Variants in TPRG1 observed in about 807,000 individuals in gnomAD.
The protein encoded by TPRG1 is tumor protein p63-regulated gene 1 protein.
Under a neutral mutation model 29.3 loss-of-function variants are expected in TPRG1, and 29 were observed. The ratio of observed to expected loss-of-function variants is 0.99; its 90% CI spans 0.74 to 1.35. The LOEUF (loss-of-function observed/expected upper bound fraction) is 1.35, where lower values mean the gene tolerates loss of function less well. TPRG1 is among the 40% of genes most tolerant of loss of function. The probability of loss-of-function intolerance (pLI) is 0.00; values close to 1 mark genes in which losing one functional copy is unlikely to be tolerated. For missense variants in TPRG1, 327 were observed against 335.0 expected, an observed-to-expected ratio of 0.98 and a Z score of 0.19; for synonymous variants, 130 against 116.8, an observed-to-expected ratio of 1.11 and a Z score of -0.73.
At position 189,312,149 on chromosome 3, in the gene TPRG1, CTT is replaced by C. The variant is rs1343954096; in HGVS notation, c.633+1612_633+1613del. Among the ~76,000 whole-genome samples, 380 of 50,574 alleles carry C rather than the reference CTT, an allele frequency of 7.5e-3. 22 individuals are homozygous for C. Among genetic ancestry groups the C allele is most frequent in the South Asian group, 0.025 (26 of 1,024 alleles). 33.2% of individuals were successfully genotyped at this position (50,574 alleles called of 152,430 possible). ...TCTTTCTTTCTTTCTTTCTTTCTTT[CTT>C]TCTTTCTTTCTTTCTTTCTTTCTTT... On this transcript the variant is annotated intron_variant, in intron 5 of 5. Coordinates refer to ENST00000345063, the MANE Select transcript of TPRG1 (RefSeq NM_198485.4).
chr3:189,127,728 CAA>C (rs1722650340), intron 2 of TPRG1, among the ~76,000 whole-genome samples: 1 of 152,140 alleles, frequency 6.6e-6, no homozygotes, highest in South Asian at 2.1e-4. Flanking sequence ...GGTAAACTCA[CAA>C]AAGAGATGGC....
rs528281551 is a variant in TPRG1, at chr3:189,197,821, G to A, written c.-9-9555G>A. On this transcript the variant is annotated intron_variant, in intron 1 of 5. Coordinates refer to ENST00000345063, the MANE Select transcript of TPRG1 (RefSeq NM_198485.4). ...AAGAATTTGTTATTCTGAAAAGAGAGAAGTGAGAAATAGATAAATGATACA... is the reference window on the plus strand; with the variant it reads ...AAGAATTTGTTATTCTGAAAAGAGAAAAGTGAGAAATAGATAAATGATACA... 9.2e-5 allele frequency among the ~76,000 whole-genome samples: 14 copies of A among 152,292 alleles called. No homozygotes were observed. The Middle Eastern group carries it at 0.01, about 111-fold the overall frequency.
At chr3:189,010,929 A>G (rs1406244616) in intron 3 of TPRG1, among the ~76,000 whole-genome samples, 3 of 151,938 alleles carry the variant, frequency 2.0e-5, no homozygotes, top group African/African-American at 7.3e-5. Flanking sequence ...GCTTGAGTTG[A>G]TTTTTTTGGT....
intron 5 of TPRG1, among the ~76,000 whole-genome samples, chr3:189,311,127 G>A (rs572816048): frequency 3.9e-5 from 6 of 152,154 alleles, no homozygotes; most frequent in Non-Finnish European, 7.4e-5. Context: ...AAAGGGAACA[G>A]TTTTCTATTA....
intron 1 of TPRG1, among the ~76,000 whole-genome samples, chr3:189,191,647 G>A (rs1560532992): frequency 6.6e-6 from 1 of 152,042 alleles, no homozygotes; most frequent in Non-Finnish European, 1.5e-5. Context: ...TCAGCATTTT[G>A]GGAGCTTAAT....
chr3:189,107,198 A>C (rs1330373025), intron 1 of TPRG1, among the ~76,000 whole-genome samples: 3 of 151,966 alleles, frequency 2.0e-5, no homozygotes, highest in African/African-American at 7.3e-5. Context: ...TCTTTAGGTG[A>C]CCTATTATAT....
intron 4 of TPRG1, among the ~76,000 whole-genome samples, chr3:189,244,404 G>T (rs546095894): frequency 6.6e-6 from 1 of 152,122 alleles, no homozygotes; most frequent in South Asian, 2.1e-4. Context: ...GGGTGACAGA[G>T]ATGAGACTCC....
intron 1 of TPRG1, among the ~76,000 whole-genome samples, chr3:189,114,514 C>T (rs755662952): frequency 5.3e-5 from 8 of 152,126 alleles, no homozygotes; most frequent in Admixed American, 2.0e-4. Context: ...AATTCCTGAC[C>T]TCAGGTGATC....
chr3:189,296,379 G>T (rs963321138), intron 4 of TPRG1, among the ~76,000 whole-genome samples: 1 of 152,230 alleles, frequency 6.6e-6, no homozygotes, highest in African/African-American at 2.4e-5. Flanking sequence ...AGTCAGCAAT[G>T]TGGTAAATCA....
chr3:189,323,727 A>G lies in TPRG1; in HGVS notation c.*2907A>G, dbSNP rs1204578781. 1 of 152,158 alleles carries G rather than the reference A, an allele frequency of 6.6e-6. No homozygotes were observed. The highest frequency in any genetic ancestry group is 6.6e-5 in the Admixed American group (1 of 15,256). 9.4% of individuals were successfully genotyped at this position (152,158 alleles called of 1,614,324 possible). On this transcript the variant is annotated 3_prime_UTR_variant, in exon 6 of 6. Coordinates refer to ENST00000345063, the MANE Select transcript of TPRG1 (RefSeq NM_198485.4). ...TCATTTGAACTTACCACTACAGTTT[A>G]GCAAATGGCATGATGAGTTTGATTG...
intron 1 of TPRG1, among the ~76,000 whole-genome samples, chr3:189,198,460 C>G (rs561530672): frequency 4.6e-5 from 7 of 152,354 alleles, no homozygotes; most frequent in African/African-American, 1.7e-4. Context: ...CTATGTGTGT[C>G]TGTGAGAGAA....
intron 4 of TPRG1, among the ~76,000 whole-genome samples, chr3:189,260,849 C>G (rs542918305): frequency 6.6e-6 from 1 of 152,252 alleles, no homozygotes; most frequent in East Asian, 1.9e-4. Flanking sequence ...AGACATCATT[C>G]TATTATCTCA....
Position 188,998,737 on chromosome 3 carries a change from C to T in TPRG1, c.-1015-2037C>T, listed in dbSNP as rs148999728. 1.6e-4 allele frequency among the ~76,000 whole-genome samples: 24 copies of T among 152,246 alleles called. No homozygotes were observed. In the East Asian group the frequency reaches 4.4e-3, roughly 28 times the overall value. On this transcript the variant is annotated intron_variant, in intron 1 of 10. Coordinates refer to the TPRG1 transcript ENST00000433971. ...GCCAGGCCCACAAAGGCTAATATCA[C>T]ATACTCTCACTCATATGTGAGCTAA...
chr3:189,064,364 GGCTTTC>G (rs1716300100), intron 4 of TPRG1, among the ~76,000 whole-genome samples: 1 of 151,992 alleles, frequency 6.6e-6, no homozygotes. Flanking sequence ...CACAGAATAG[GGCTTTC>G]TTGAGAACTG....
chr3:189,292,351 A>G (rs947488401), intron 4 of TPRG1, among the ~76,000 whole-genome samples: 3 of 149,908 alleles, frequency 2.0e-5, no homozygotes, highest in Non-Finnish European at 4.4e-5. Flanking sequence ...CTCCCATTAA[A>G]TTTTATGTAA....
chr3:189,147,552 GGAT>G (rs1306651512), intron 3 of TPRG1: 1 of 152,190 alleles, frequency 6.6e-6, no homozygotes, highest in Non-Finnish European at 1.5e-5. Context: ...AGACCCACTG[GGAT>G]GTTTCTTTTT....
intron 5 of TPRG1, among the ~76,000 whole-genome samples, chr3:189,159,408 A>G (rs1045313701): frequency 2.6e-5 from 4 of 152,144 alleles, no homozygotes; most frequent in African/African-American, 9.7e-5. Flanking sequence ...ATAAACTAGC[A>G]TGGTATGTCA....
chr3:189,299,821 A>G (rs541590405), intron 4 of TPRG1, among the ~76,000 whole-genome samples: 27 of 152,302 alleles, frequency 1.8e-4, no homozygotes, highest in African/African-American at 6.0e-4. Context: ...AGTTATCACA[A>G]ATGTTTTAAG....
At chr3:189,057,717 C>A (rs1409298401) in intron 4 of TPRG1, among the ~76,000 whole-genome samples, 2 of 147,720 alleles carry the variant, frequency 1.4e-5, no homozygotes, top group Non-Finnish European at 3.0e-5. Flanking sequence ...AATTTTGGAA[C>A]CATGGTTCAT....
Sources: allele counts gnomAD v4.1 joint callset (sites outside exome capture counted in the v4.1 genomes callset), GRCh38; gene constraint gnomAD v4.1.1; transcripts MANE v1.5; gene names NCBI Gene and HGNC (gene_info 2026-07-23, HGNC 2026-07-21).